The following PDSS2 variants were observed in gnomAD, a reference collection of about 807,000 sequenced individuals.
PDSS2 encodes the protein decaprenyl diphosphate synthase subunit 2, also known as all trans-polyprenyl-diphosphate synthase PDSS2.
A neutral mutation model predicts 44.5 loss-of-function variants in PDSS2; 31 were observed. The observed-to-expected ratio is 0.70, with a 90% CI of 0.52 to 0.94. PDSS2 has a LOEUF of 0.94. PDSS2 is among the 40% of genes least tolerant of loss of function. The pLI, the probability that PDSS2 is intolerant of heterozygous loss-of-function variation, is 0.00. For synonymous variants in PDSS2, 157 were observed against 180.3 expected (o/e 0.87, Z 1.03); for missense variants, 452 against 482.2 (o/e 0.94, Z 0.59).
chr6:107,226,668 ATTTTT>A (rs61088823), intron 4 of PDSS2, among the ~76,000 whole-genome samples: 1 of 132,238 alleles, frequency 7.6e-6, no homozygotes, highest in Admixed American at 8.1e-5. Flanking sequence ...GGATTTTGGA[ATTTTT>A]TTTTTTTTTT....
chr6:107,244,438 T>A (rs1328232301), intron 4 of PDSS2, among the ~76,000 whole-genome samples: 1 of 152,192 alleles, frequency 6.6e-6, no homozygotes. Flanking sequence ...TACAATCAGA[T>A]ATTAACCTCC....
chr6:107,330,612 A>G (rs1488931332), intron 2 of PDSS2, among the ~76,000 whole-genome samples: 7 of 152,218 alleles, frequency 4.6e-5, no homozygotes, highest in Admixed American at 4.6e-4. Context: ...TGCATTATAT[A>G]TTGTAATAAA....
intron 7 of PDSS2, among the ~76,000 whole-genome samples, chr6:107,155,274 T>C (rs535316317): frequency 2.6e-4 from 40 of 151,772 alleles, no homozygotes; most frequent in Non-Finnish European, 4.9e-4. Flanking sequence ...GCCTCCCACA[T>C]AGCTGGGACT....
chr6:107,422,928 G>A (rs1263354146), intron 1 of PDSS2, among the ~76,000 whole-genome samples: 1 of 151,916 alleles, frequency 6.6e-6, no homozygotes, highest in Admixed American at 6.6e-5. Flanking sequence ...CATATATTAC[G>A]ATGCTAAAAG....
chr6:107,258,738 G>C (rs992819801), intron 3 of PDSS2, among the ~76,000 whole-genome samples: 2 of 152,158 alleles, frequency 1.3e-5, no homozygotes, highest in Non-Finnish European at 2.9e-5. Flanking sequence ...TGGAGGCGGA[G>C]GTTGCAGTGA....
intron 1 of PDSS2, among the ~76,000 whole-genome samples, chr6:107,338,486 A>C (rs1040383538): frequency 1.3e-5 from 2 of 152,370 alleles, no homozygotes; most frequent in South Asian, 4.1e-4. Flanking sequence ...AGCACTGTTA[A>C]GATGTGGCCT....
intron 1 of PDSS2, among the ~76,000 whole-genome samples, chr6:107,444,201 A>AT (rs67844071): frequency 1.1e-4 from 17 of 151,050 alleles, no homozygotes; most frequent in East Asian, 7.8e-4. Flanking sequence ...CTACTTTTTA[A>AT]TTTTTTTTTT....
intron 6 of PDSS2, among the ~76,000 whole-genome samples, chr6:107,204,183 C>T (rs1040599572): frequency 9.9e-5 from 15 of 151,984 alleles, no homozygotes; most frequent in African/African-American, 3.1e-4. Flanking sequence ...CCTCGTGATC[C>T]GCCCCCCTCG....
In PDSS2 at chr6:107,274,075, AGAAAGTC is replaced by A; in HGVS notation, c.577_583del (p.Asp193PhefsTer2). On this transcript the variant is annotated frameshift_variant, in exon 3 of 8. Coordinates refer to ENST00000369037, the MANE Select transcript of PDSS2 (RefSeq NM_020381.4). LOFTEE classifies it high-confidence loss of function. Reference sequence around the variant, plus strand: ...TAGTCCATTGCAGGCATTTGCTAGAAGAAAGTCTCCACTCAGGATAGCAATTTTATTT... The same window carrying A: ...TAGTCCATTGCAGGCATTTGCTAGAATCCACTCAGGATAGCAATTTTATTT... 1 of 1,614,138 alleles carries A rather than the reference AGAAAGTC, an allele frequency of 6.2e-7. No homozygotes were observed. Among genetic ancestry groups the A allele is most frequent in the Non-Finnish European group, 8.5e-7 (1 of 1,179,992 alleles).
chr6:107,389,674 T>C (rs1478158452), intron 1 of PDSS2, among the ~76,000 whole-genome samples: 3 of 152,158 alleles, frequency 2.0e-5, no homozygotes, highest in East Asian at 3.9e-4. Flanking sequence ...CAAATAATTA[T>C]AGAAACATGT....
intron 6 of PDSS2, among the ~76,000 whole-genome samples, chr6:107,195,852 G>A (rs1347836024): frequency 2.6e-5 from 4 of 152,114 alleles, no homozygotes; most frequent in East Asian, 1.9e-4. Context: ...GAGCCACTGC[G>A]CCCAGCCCTT....
intron 1 of PDSS2, among the ~76,000 whole-genome samples, chr6:107,371,803 G>A (rs1378533748): frequency 6.6e-6 from 1 of 152,166 alleles, no homozygotes; most frequent in African/African-American, 2.4e-5. Context: ...TTTGTCAAAG[G>A]CTGTAACAAG....
chr6:107,227,626 C>G (rs1208794920), intron 4 of PDSS2, among the ~76,000 whole-genome samples: 1 of 152,136 alleles, frequency 6.6e-6, no homozygotes, highest in East Asian at 1.9e-4. Flanking sequence ...AGAGAAATTC[C>G]TTCTCTGCTC....
chr6:107,300,104 T>C (rs972872266), intron 2 of PDSS2, among the ~76,000 whole-genome samples: 2 of 152,198 alleles, frequency 1.3e-5, no homozygotes, highest in Non-Finnish European at 2.9e-5. Flanking sequence ...TGCCTCCCCC[T>C]GCACTTCAGG....
chr6:107,229,567 A>G lies in PDSS2; in HGVS notation c.702+15981T>C, dbSNP rs137948913. Among the ~76,000 whole-genome samples the G allele has an allele frequency of 1.4e-3, 208 of 152,028 alleles. 1 individual carries two copies. Among genetic ancestry groups the G allele is most frequent in the African/African-American group, 4.8e-3 (201 of 41,474 alleles). On this transcript the variant is annotated intron_variant, in intron 4 of 7. Coordinates refer to ENST00000369037, the MANE Select transcript of PDSS2 (RefSeq NM_020381.4). ...TGGTAGGGTGAATTAGCTTCTTTGA[A>G]CTCAAACTCACTGATTCCCTCTTTC...
At chr6:107,165,119 G>A (rs1415587433) in intron 7 of PDSS2, among the ~76,000 whole-genome samples, 2 of 152,094 alleles carry the variant, frequency 1.3e-5, no homozygotes, top group African/African-American at 2.4e-5. Flanking sequence ...TCGGTTGCCC[G>A]TTCACTCTGA....
chr6:107,455,540 G>A (rs890532447), intron 1 of PDSS2, among the ~76,000 whole-genome samples: 8 of 152,022 alleles, frequency 5.3e-5, no homozygotes, highest in Non-Finnish European at 7.4e-5. Flanking sequence ...CAGATCATGA[G>A]GGCAGGAGCT....
intron 4 of PDSS2, among the ~76,000 whole-genome samples, chr6:107,214,229 C>T (rs1042323182): frequency 1.3e-5 from 2 of 151,758 alleles, no homozygotes; most frequent in South Asian, 2.1e-4. Flanking sequence ...TCAGCCTCTC[C>T]GAGTAGCTGG....
intron 1 of PDSS2, among the ~76,000 whole-genome samples, chr6:107,445,882 T>C (rs553671385): frequency 9.8e-5 from 15 of 152,302 alleles, no homozygotes; most frequent in African/African-American, 3.4e-4. Flanking sequence ...CTGACAGAGA[T>C]GAAACTACAA....
Sources: gnomAD v4.1 joint callset for allele counts (sites outside exome capture counted in the v4.1 genomes callset) on GRCh38, gnomAD v4.1.1 for gene constraint, MANE v1.5 for transcripts, NCBI Gene and HGNC (gene_info 2026-07-23, HGNC 2026-07-21) for gene names.